USP34: variants seen among roughly 807,000 people sequenced by gnomAD.
The protein encoded by USP34 is ubiquitin specific peptidase 34, also known as ubiquitin carboxyl-terminal hydrolase 34.
Under a neutral mutation model 460.3 loss-of-function variants are expected in USP34, and 70 were observed. That is an observed-to-expected ratio of 0.15 (90% CI 0.13 to 0.19). The LOEUF is 0.19. Among genes scored for constraint, USP34 ranks in the 10% least tolerant of loss-of-function variants. The pLI, the probability that USP34 is intolerant of heterozygous loss-of-function variation, is 1.00. For synonymous variants in USP34, 1,647 were observed against 1,405.3 expected, an observed-to-expected ratio of 1.17 and a Z score of -3.85; for missense variants, 3,985 against 4,236.2, an observed-to-expected ratio of 0.94 and a Z score of 1.65.
intron 57 of USP34, among the ~76,000 whole-genome samples, chr2:61,234,574 G>T (rs771213092): frequency 2.0e-5 from 3 of 152,150 alleles, no homozygotes; most frequent in Non-Finnish European, 4.4e-5. Flanking sequence ...AAGTAGTTAA[G>T]AGAGGGATGG....
chr2:61,387,958 CAT>C (rs67320666), intron 5 of USP34, among the ~76,000 whole-genome samples: 1,906 of 129,628 alleles, frequency 0.015, 33 homozygotes, highest in Admixed American at 0.056. Context: ...CACACACACA[CAT>C]ATATATATAT....
At chr2:61,263,078 G>A (rs112067903) in intron 43 of USP34, among the ~76,000 whole-genome samples, 52 of 151,628 alleles carry the variant, frequency 3.4e-4, no homozygotes, top group African/African-American at 1.2e-3. Flanking sequence ...GCACAAACTC[G>A]GCTCACTGCA....
At chr2:61,349,018 A>C (rs1691857329) in intron 13 of USP34, 132 bp from the exon 14 acceptor site, 1 of 1,147,794 alleles carries the variant, frequency 8.7e-7, no homozygotes. Context: ...AAAATCTCTA[A>C]ATATGTTAAC....
At chr2:61,437,552 T>C (rs1694846393) in intron 1 of USP34, among the ~76,000 whole-genome samples, 1 of 152,022 alleles carries the variant, frequency 6.6e-6, no homozygotes, top group Non-Finnish European at 1.5e-5. Context: ...GGTAGGCAGA[T>C]CACGAGGTCA....
chr2:61,309,197 T>G (rs994250491), intron 27 of USP34, among the ~76,000 whole-genome samples: 16 of 152,198 alleles, frequency 1.1e-4, no homozygotes, highest in Non-Finnish European at 4.4e-5. Flanking sequence ...ACCCAGCTAA[T>G]TTATCATTTG....
intron 1 of USP34, among the ~76,000 whole-genome samples, chr2:61,422,903 G>C (rs1313213251): frequency 1.3e-5 from 2 of 152,142 alleles, no homozygotes; most frequent in Non-Finnish European, 2.9e-5. Flanking sequence ...AGGAGGCTGA[G>C]GTGGAAGGAT....
In USP34 at chr2:61,350,403, G is replaced by A. The variant is rs1691909842; in HGVS notation, c.1378-14C>T. ...CAAGTACAGTGTCTAAAAAAAAGAG[G>A]GAGAGATTTCAGTTTGAGAATTCCA... is the stretch of plus-strand genomic sequence containing the variant. On this transcript the variant is annotated splice_polypyrimidine_tract_variant and intron_variant, in intron 11 of 79. Coordinates refer to ENST00000398571, the MANE Select transcript of USP34 (RefSeq NM_014709.4). 6.3e-7 allele frequency: 1 copy of A among 1,596,584 alleles called. No homozygotes were observed. Among genetic ancestry groups the A allele is most frequent in the African/African-American group, 1.3e-5 (1 of 74,116 alleles).
At chr2:61,467,184 T>C (rs1435688686) in intron 1 of USP34, among the ~76,000 whole-genome samples, 1 of 151,750 alleles carries the variant, frequency 6.6e-6, no homozygotes, top group Non-Finnish European at 1.5e-5. Context: ...GTGCCTGTAA[T>C]CCCAGCCACT....
intron 53 of USP34, among the ~76,000 whole-genome samples, chr2:61,241,216 G>T (rs1433239916): frequency 6.6e-6 from 1 of 151,888 alleles, no homozygotes; most frequent in Non-Finnish European, 1.5e-5. Context: ...GCTACTTTTT[G>T]TATTTTTTAG....
chr2:61,363,889 C>T (rs761626129), intron 10 of USP34, among the ~76,000 whole-genome samples: 4 of 152,114 alleles, frequency 2.6e-5, no homozygotes, highest in Non-Finnish European at 5.9e-5. Context: ...TTAATGTTTG[C>T]TATGACATAG....
At chr2:61,400,276 A>AT (rs1161566227) in intron 3 of USP34, among the ~76,000 whole-genome samples, 5 of 152,010 alleles carry the variant, frequency 3.3e-5, no homozygotes, top group East Asian at 1.9e-4. Flanking sequence ...CGCTTGGCTA[A>AT]TTTTTTCTAT....
At chr2:61,255,968 T>C (rs1688714137) in intron 48 of USP34, among the ~76,000 whole-genome samples, 1 of 152,206 alleles carries the variant, frequency 6.6e-6, no homozygotes, top group African/African-American at 2.4e-5. Flanking sequence ...AAGCAGTATA[T>C]ATAGGGTTCA....
At chr2:61,241,907 T>C in intron 51 of USP34, 88 bp from the exon 52 acceptor site, 1 of 700,532 alleles carries the variant, frequency 1.4e-6, no homozygotes, top group Non-Finnish European at 2.3e-6. Context: ...AAACAGCTAT[T>C]TTATACTTAA....
chr2:61,305,969 T>C (rs1052444653), intron 27 of USP34, among the ~76,000 whole-genome samples: 7 of 152,230 alleles, frequency 4.6e-5, no homozygotes, highest in Admixed American at 2.6e-4. Flanking sequence ...TCTTTGTAGA[T>C]TCTGGATATT....
intron 1 of USP34, among the ~76,000 whole-genome samples, chr2:61,465,827 A>G (rs193189400): frequency 3.1e-4 from 47 of 151,986 alleles, no homozygotes; most frequent in African/African-American, 1.1e-3. Context: ...TATACAAAAA[A>G]TTAGCCGGGC....
intron 18 of USP34, 35 bp from the exon 19 acceptor site, chr2:61,334,006 G>C: frequency 2.1e-6 from 3 of 1,440,350 alleles, no homozygotes; most frequent in Non-Finnish European, 1.9e-6. Context: ...AATAATTTTA[G>C]TAATTCTTTT....
intron 41 of USP34, among the ~76,000 whole-genome samples, chr2:61,270,456 TGA>T (rs1689178216): frequency 6.6e-6 from 1 of 152,196 alleles, no homozygotes; most frequent in Non-Finnish European, 1.5e-5. Flanking sequence ...TATTTATTTT[TGA>T]GAGTGTCTTG....
chr2:61,241,578 A>C lies in USP34; in HGVS notation c.6759T>G (p.Val2253=), dbSNP rs1484733794. The C allele has an allele frequency of 5.0e-6, 8 of 1,608,712 alleles. No individual in the cohort carries two copies. In the Admixed American group the frequency reaches 1.0e-4, roughly 21 times the overall value. The stretch of plus-strand genomic sequence containing the variant: ...CTTATACCTCTAGTAACTCTGACGA[A>C]ACATCAAATTTGTATTCTCTGCCAT... ...EENGREYKFD[V]SSELLEWIWH... Residue 2253 remains valine, a synonymous_variant, in exon 53 of 80, where the codon GTT becomes GTG. Transcript: ENST00000398571.
chr2:61,220,359 G>A lies in USP34; in HGVS notation c.7998C>T (p.Asn2666=). 6.2e-7 allele frequency: 1 copy of A among 1,613,886 alleles called. No individual in the cohort carries two copies. The highest frequency in any genetic ancestry group is 8.5e-7 in the Non-Finnish European group (1 of 1,179,916). ...AHSWVLQNME[N]WVERFLLAHN... ...GAGCCAAAAGAAACCGCTCGACCCA[G>A]TTTTCCATATTCTGTAAGACCCAGC... Residue 2666 remains asparagine (N), a synonymous_variant, in exon 67 of 80, where the codon AAC becomes AAT. Transcript: ENST00000398571.
Sources: gnomAD v4.1 joint callset for allele counts (sites outside exome capture counted in the v4.1 genomes callset) on GRCh38, gnomAD v4.1.1 for gene constraint, MANE v1.5 for transcripts, NCBI Gene and HGNC (gene_info 2026-07-23, HGNC 2026-07-21) for gene names.